The following EPHA5 variants were observed in gnomAD, a reference collection of about 807,000 sequenced individuals.
EPHA5 encodes the protein EPH receptor A5.
A neutral mutation model predicts 105.0 loss-of-function variants in EPHA5; 60 were observed. The ratio of observed to expected loss-of-function variants is 0.57; its 90% CI spans 0.46 to 0.71. The LOEUF is 0.71. EPHA5 is among the 30% of genes least tolerant of loss of function. EPHA5 has a pLI of 0.00. For synonymous variants in EPHA5, 513 were observed against 449.1 expected, an observed-to-expected ratio of 1.14 and a Z score of -1.80; for missense variants, 1,218 against 1,274.7, an observed-to-expected ratio of 0.96 and a Z score of 0.68.
intron 3 of EPHA5, among the ~76,000 whole-genome samples, chr4:65,523,417 G>T (rs1734947155): frequency 6.6e-6 from 1 of 151,928 alleles, no homozygotes; most frequent in Non-Finnish European, 1.5e-5. Context: ...GTAATGAAGA[G>T]AATCTGGTTA....
At chr4:65,624,351 T>G (rs973350499) in intron 2 of EPHA5, among the ~76,000 whole-genome samples, 5 of 152,184 alleles carry the variant, frequency 3.3e-5, no homozygotes, top group African/African-American at 1.2e-4. Flanking sequence ...TTGTCATTAT[T>G]CAGTATCTTT....
Position 65,336,255 on chromosome 4 carries a change from T to C in EPHA5, c.2596-130A>G. ...CTTGCAATAACAACTAGCATTACTGTCTTTAAAATCCACGGCTATTTCCAT... is the reference window on the plus strand; with the variant it reads ...CTTGCAATAACAACTAGCATTACTGCCTTTAAAATCCACGGCTATTTCCAT... On this transcript the variant is annotated intron_variant, in intron 14 of 16. Transcript: ENST00000613740. The C allele has an allele frequency of 5.6e-6, 3 of 536,780 alleles. No homozygotes were observed. In the South Asian group the frequency reaches 2.3e-4, roughly 41 times the overall value. 33.3% of individuals were successfully genotyped at this position (536,780 alleles called of 1,614,324 possible).
At chr4:65,645,222 A>C (rs892150094) in intron 1 of EPHA5, among the ~76,000 whole-genome samples, 5 of 152,040 alleles carry the variant, frequency 3.3e-5, no homozygotes, top group African/African-American at 1.2e-4. Context: ...TCCTCATTTT[A>C]GTTTTTCTGG....
intron 3 of EPHA5, among the ~76,000 whole-genome samples, chr4:65,528,847 C>T (rs756309510): frequency 5.9e-5 from 9 of 151,964 alleles, no homozygotes; most frequent in Non-Finnish European, 1.0e-4. Context: ...GGCATTAATG[C>T]TCGGAAATAA....
At chr4:65,385,323 A>C (rs1719977441) in intron 8 of EPHA5, among the ~76,000 whole-genome samples, 1 of 151,932 alleles carries the variant, frequency 6.6e-6, no homozygotes, top group African/African-American at 2.4e-5. Context: ...CACATCTATC[A>C]GCATGAAACT....
At chr4:65,413,208 A>G (rs1045522562) in intron 7 of EPHA5, among the ~76,000 whole-genome samples, 1 of 152,120 alleles carries the variant, frequency 6.6e-6, no homozygotes, top group Non-Finnish European at 1.5e-5. Flanking sequence ...TAGAAGTTCA[A>G]ATTTCAGTAG....
chr4:65,541,113 TG>T (rs941500137), intron 3 of EPHA5, among the ~76,000 whole-genome samples: 13 of 150,784 alleles, frequency 8.6e-5, no homozygotes, highest in Admixed American at 2.7e-4. Context: ...GCACTAAATA[TG>T]GAAAGGAAAA....
chr4:65,558,603 T>C (rs959498503), intron 3 of EPHA5, among the ~76,000 whole-genome samples: 1 of 152,126 alleles, frequency 6.6e-6, no homozygotes, highest in Non-Finnish European at 1.5e-5. Flanking sequence ...GCAGGTTAGT[T>C]ACATATGTAT....
intron 5 of EPHA5, among the ~76,000 whole-genome samples, chr4:65,447,882 G>A (rs1032043283): frequency 1.3e-5 from 2 of 152,070 alleles, no homozygotes; most frequent in African/African-American, 4.8e-5. Flanking sequence ...AAGATATAAT[G>A]AGAAAACCCA....
At chr4:65,635,772 A>G (rs1747067098) in intron 2 of EPHA5, among the ~76,000 whole-genome samples, 1 of 152,196 alleles carries the variant, frequency 6.6e-6, no homozygotes, top group Non-Finnish European at 1.5e-5. Flanking sequence ...ATTAATCAAT[A>G]CAAAATGTTC....
chr4:65,608,053 A>C (rs1744406565), intron 2 of EPHA5, among the ~76,000 whole-genome samples: 1 of 152,128 alleles, frequency 6.6e-6, no homozygotes, highest in Non-Finnish European at 1.5e-5. Context: ...GAAGCCAGGG[A>C]GTGGGCGGCT....
Position 65,365,947 on chromosome 4 carries a change from T to C in EPHA5, c.1972A>G (p.Arg658Gly). 6.2e-7 allele frequency: 1 copy of C among 1,607,812 alleles called. No homozygotes were observed. The highest frequency in any genetic ancestry group is 1.1e-5 in the South Asian group (1 of 90,528). ...ATTGTCGTACCTGCTCCAATAACTCTCTCAATGGTGATACATGATGCTTCT... is the reference window on the plus strand; with the variant it reads ...ATTGTCGTACCTGCTCCAATAACTCCCTCAATGGTGATACATGATGCTTCT... ...EIEASCITIE[R>G]VIGAGEFGEV... The change falls in exon 10 of 17, where the codon AGA (arginine) becomes GGA (glycine). Residue 658 changes from arginine to glycine, a missense_variant. Physicochemically the swap from Arg to Gly is moderately radical, Grantham distance 125. Transcript: ENST00000613740.
chr4:65,441,463 C>T (rs1726005080), intron 5 of EPHA5, among the ~76,000 whole-genome samples: 2 of 151,526 alleles, frequency 1.3e-5, no homozygotes, highest in South Asian at 4.2e-4. Context: ...TTATCTTTAC[C>T]ACTAGTTAAA....
At chr4:65,472,838 C>T (rs764757680) in intron 5 of EPHA5, among the ~76,000 whole-genome samples, 3 of 152,316 alleles carry the variant, frequency 2.0e-5, no homozygotes, top group Middle Eastern at 3.4e-3. Flanking sequence ...ACACATTTTC[C>T]CCACTGTCTT....
intron 11 of EPHA5, among the ~76,000 whole-genome samples, chr4:65,362,569 C>A (rs1166774473): frequency 6.6e-6 from 1 of 151,654 alleles, no homozygotes; most frequent in African/African-American, 2.4e-5. Context: ...CATCATCCAG[C>A]AGAATATTTG....
intron 1 of EPHA5, among the ~76,000 whole-genome samples, chr4:65,648,708 G>C (rs1206169911): frequency 6.6e-6 from 1 of 152,148 alleles, no homozygotes; most frequent in African/African-American, 2.4e-5. Flanking sequence ...ATGGATGCTT[G>C]CTTATTGACT....
intron 5 of EPHA5, among the ~76,000 whole-genome samples, chr4:65,459,619 T>C (rs565194129): frequency 6.6e-6 from 1 of 151,916 alleles, no homozygotes; most frequent in East Asian, 1.9e-4. Flanking sequence ...TCTCACATAC[T>C]GAAACTCATA....
intron 5 of EPHA5, among the ~76,000 whole-genome samples, chr4:65,458,073 C>CAAAAAAA (rs10565968): frequency 2.8e-5 from 2 of 72,572 alleles, no homozygotes; most frequent in Non-Finnish European, 4.9e-5. Flanking sequence ...CACTCCATCC[C>CAAAAAAA]AAAAAAAAAA....
chr4:65,574,052 C>G (rs1182239633), intron 3 of EPHA5: 6 of 1,599,580 alleles, frequency 3.8e-6, no homozygotes, highest in Non-Finnish European at 5.1e-6. Context: ...TCATTGCCAC[C>G]TCAACCAAAA....
Sources: allele counts gnomAD v4.1 joint callset (sites outside exome capture counted in the v4.1 genomes callset), GRCh38; gene constraint gnomAD v4.1.1; transcripts MANE v1.5; gene names NCBI Gene and HGNC (gene_info 2026-07-23, HGNC 2026-07-21).